The following ILKAP variants were observed in gnomAD, a reference collection of about 807,000 sequenced individuals.
The protein encoded by ILKAP is ILK associated serine/threonine phosphatase, also known as integrin-linked kinase-associated serine/threonine phosphatase 2C.
In ILKAP, 11 loss-of-function variants were observed where a neutral mutation model predicts 49.1. The observed-to-expected ratio is 0.22, with a 90% CI of 0.14 to 0.37. The LOEUF (loss-of-function observed/expected upper bound fraction) is 0.37. Ranked by LOEUF, ILKAP falls within the 10% of genes least tolerant of loss-of-function variation. The pLI, the probability that ILKAP is intolerant of heterozygous loss-of-function variation, is 1.00. For missense variants in ILKAP, 363 were observed against 510.8 expected (o/e 0.71, Z 2.79); for synonymous variants, 186 against 192.8 (o/e 0.96, Z 0.29).
intron 3 of ILKAP, among the ~76,000 whole-genome samples, chr2:238,191,635 T>TCCAAAACA (rs1694125949): frequency 1.3e-5 from 2 of 152,150 alleles, no homozygotes; most frequent in Non-Finnish European, 1.5e-5. Flanking sequence ...TGGCCAGGTG[T>TCCAAAACA]GGTGGTTCAC....
chr2:238,184,123 A>G lies in ILKAP; in HGVS notation c.533-10T>C, dbSNP rs749507959. ...ACACTGATTACATCTCCTATTACAGAAGGGCCAAAAGAAAACAATCTCTCA... is the reference window on the plus strand; with the variant it reads ...ACACTGATTACATCTCCTATTACAGGAGGGCCAAAAGAAAACAATCTCTCA... On this transcript the variant is annotated splice_polypyrimidine_tract_variant and intron_variant, in intron 6 of 11. Transcript: ENST00000254654. The G allele has an allele frequency of 2.1e-6, 3 of 1,419,214 alleles. No individual in the cohort carries two copies. In the South Asian group the frequency reaches 3.5e-5, roughly 16 times the overall value. The allele number at this position is 1,419,214 out of a possible 1,614,324, so 87.9% of individuals were successfully genotyped here.
chr2:238,201,618 G>A (rs1244631482), intron 1 of ILKAP, among the ~76,000 whole-genome samples: 3 of 152,194 alleles, frequency 2.0e-5, no homozygotes, highest in Non-Finnish European at 2.9e-5. Context: ...CTGCTAAGGT[G>A]CCAACCTATG....
chr2:238,175,738 G>T (rs1191713421), intron 9 of ILKAP, among the ~76,000 whole-genome samples: 3 of 152,136 alleles, frequency 2.0e-5, no homozygotes, highest in African/African-American at 7.2e-5. Context: ...AGCCCCACAG[G>T]CTTCGTCCTT....
chr2:238,182,663 G>C (rs761113949), intron 8 of ILKAP, among the ~76,000 whole-genome samples: 8 of 152,218 alleles, frequency 5.3e-5, no homozygotes, highest in Non-Finnish European at 1.2e-4. Context: ...CATTGTGTCT[G>C]TTTTACAGGA....
chr2:238,172,607 C>T (rs960652059), intron 10 of ILKAP, among the ~76,000 whole-genome samples: 5 of 152,192 alleles, frequency 3.3e-5, no homozygotes, highest in Admixed American at 6.5e-5. Flanking sequence ...CCCCGCGGTA[C>T]GTGAGAACAT....
chr2:238,194,418 G>C, intron 2 of ILKAP, 87 bp from the exon 3 acceptor site: 1 of 1,259,732 alleles, frequency 7.9e-7, no homozygotes, highest in Non-Finnish European at 1.1e-6. Flanking sequence ...CACCTATGTA[G>C]GTTACTGAAA....
At chr2:238,193,451 C>A (rs754157352) in intron 3 of ILKAP, among the ~76,000 whole-genome samples, 14 of 152,202 alleles carry the variant, frequency 9.2e-5, no homozygotes, top group Non-Finnish European at 1.8e-4. Context: ...GAACTCCTGA[C>A]CTCAAGTGAT....
chr2:238,198,415 T>C (rs879552974), intron 1 of ILKAP, among the ~76,000 whole-genome samples: 20 of 147,736 alleles, frequency 1.4e-4, no homozygotes, highest in Admixed American at 8.6e-4. Context: ...ATTTTTTAAC[T>C]TTTTGTAGAG....
intron 8 of ILKAP, among the ~76,000 whole-genome samples, chr2:238,182,749 CCT>C (rs1693749324): frequency 6.6e-6 from 1 of 152,190 alleles, no homozygotes; most frequent in African/African-American, 2.4e-5. Flanking sequence ...GGGTCTGACT[CCT>C]GTCTTTGTTT....
intron 9 of ILKAP, among the ~76,000 whole-genome samples, chr2:238,177,868 T>C (rs1260248740): frequency 6.6e-6 from 1 of 152,166 alleles, no homozygotes; most frequent in African/African-American, 2.4e-5. Flanking sequence ...ATGCTAACTC[T>C]GTGTTTAATG....
chr2:238,192,545 A>C (rs998384587), intron 3 of ILKAP, among the ~76,000 whole-genome samples: 1 of 151,718 alleles, frequency 6.6e-6, no homozygotes, highest in African/African-American at 2.4e-5. Flanking sequence ...TAAAAATACA[A>C]AAAAATTAGG....
In ILKAP at chr2:238,194,433, C is replaced by T. The variant is rs1215929834; in HGVS notation, c.122-102G>A. 4 of 1,101,358 alleles carry T rather than the reference C, an allele frequency of 3.6e-6. No individual in the cohort carries two copies. In the Admixed American group the frequency reaches 6.1e-5, roughly 17 times the overall value. 68.2% of individuals were successfully genotyped at this position (1,101,358 alleles called of 1,614,324 possible). ...CACCTATGTAGGTTACTGAAATAAACTCAAAACTTTGCGTCAATCCAGTGG... is the reference window on the plus strand; with the variant it reads ...CACCTATGTAGGTTACTGAAATAAATTCAAAACTTTGCGTCAATCCAGTGG... On this transcript the variant is annotated intron_variant, in intron 2 of 11. Coordinates refer to ENST00000254654, the MANE Select transcript of ILKAP (RefSeq NM_030768.3).
chr2:238,192,203 TAAAAA>T (rs71402770), intron 3 of ILKAP, among the ~76,000 whole-genome samples: 1 of 133,812 alleles, frequency 7.5e-6, no homozygotes, highest in Non-Finnish European at 1.6e-5. Flanking sequence ...GAGACTGTCT[TAAAAA>T]AAAAAAAAGA....
chr2:238,184,108 C>T lies in ILKAP; in HGVS notation c.538G>A (p.Val180Ile), dbSNP rs756080372. 1.3e-6 allele frequency: 2 copies of T among 1,565,738 alleles called. No homozygotes were observed. The highest frequency in any genetic ancestry group is 1.8e-6 in the Non-Finnish European group (2 of 1,135,918). Residue 180 changes from valine to isoleucine, a missense_variant, in exon 7 of 12, where the codon GTA becomes ATA. Transcript: ENST00000254654. Reference sequence around the variant, plus strand: ...TTCACGGTTTTCTCTACACTGATTACATCTCCTATTACAGAAGGGCCAAAA... The same window carrying T: ...TTCACGGTTTTCTCTACACTGATTATATCTCCTATTACAGAAGGGCCAAAA... ...NLIRKFPKGD[V>I]ISVEKTVKRC... is the part of the protein sequence containing the mutation.
rs556869035 is a variant in ILKAP at position 238,175,274 on chromosome 2, T to A, written c.837-1621A>T. Among the ~76,000 whole-genome samples the A allele has an allele frequency of 2.0e-3, 297 of 151,702 alleles. 1 individual carries two copies. Among genetic ancestry groups the A allele is most frequent in the Middle Eastern group, 6.8e-3 (2 of 292 alleles). On this transcript the variant is annotated intron_variant, in intron 9 of 11. Coordinates refer to ENST00000254654, the MANE Select transcript of ILKAP (RefSeq NM_030768.3). ...CAAGTCCAGGTAAATAAAAAAAAAA[T>A]TTTTTTTGTACAGATGGGGTGTTGC...
intron 1 of ILKAP, among the ~76,000 whole-genome samples, chr2:238,196,301 G>T (rs190294754): frequency 1.2e-4 from 18 of 152,034 alleles, no homozygotes; most frequent in African/African-American, 3.9e-4. Flanking sequence ...ATATTGACCA[G>T]GCTAGTCTTG....
rs752149631 is a variant in ILKAP, at chr2:238,184,088, G to C, written c.558C>G (p.Thr186=). 1 of 1,605,588 alleles carries C rather than the reference G, an allele frequency of 6.2e-7. No homozygotes were observed. The highest frequency in any genetic ancestry group is 8.5e-7 in the Non-Finnish European group (1 of 1,172,264). Residue 186 remains threonine, a synonymous_variant, in exon 7 of 12, where the codon ACC becomes ACG. Transcript: ENST00000254654. The part of the protein sequence containing the change: ...PKGDVISVEK[T]VKRCLLDTFK... ...AAGTGTCCAAAAGGCATCTCTTCACGGTTTTCTCTACACTGATTACATCTC... is the reference window on the plus strand; with the variant it reads ...AAGTGTCCAAAAGGCATCTCTTCACCGTTTTCTCTACACTGATTACATCTC...
At chr2:238,182,582 G>A (rs758968461) in intron 8 of ILKAP, among the ~76,000 whole-genome samples, 9 of 152,248 alleles carry the variant, frequency 5.9e-5, no homozygotes, top group South Asian at 2.1e-4. Flanking sequence ...GGCAAGCGTT[G>A]TGCATGCTGG....
chr2:238,197,985 T>G (rs934534205), intron 1 of ILKAP, among the ~76,000 whole-genome samples: 1 of 152,298 alleles, frequency 6.6e-6, no homozygotes, highest in Non-Finnish European at 1.5e-5. Context: ...TTCAAAGCCA[T>G]GCAGTCCGTG....
Sources: gnomAD v4.1 joint callset for allele counts (sites outside exome capture counted in the v4.1 genomes callset) on GRCh38, gnomAD v4.1.1 for gene constraint, MANE v1.5 for transcripts, NCBI Gene and HGNC (gene_info 2026-07-23, HGNC 2026-07-21) for gene names.